The following TP73 variants were observed in gnomAD, a reference collection of about 807,000 sequenced individuals.
TP73 encodes the protein p53-like transcription factor.
In TP73, 25 loss-of-function variants were observed where a neutral mutation model predicts 62.5. The observed-to-expected ratio is 0.40, with a 90% CI of 0.29 to 0.56. The LOEUF is 0.56. Ranked by LOEUF, TP73 falls within the 20% of genes least tolerant of loss-of-function variation. The probability of loss-of-function intolerance (pLI) is 0.46; values close to 1 mark genes in which losing one functional copy is unlikely to be tolerated. For missense variants in TP73, 754 were observed against 913.3 expected (o/e 0.83, Z 2.25); for synonymous variants, 423 against 377.5 (o/e 1.12, Z -1.40).
chr1:3,653,144 G>A (rs1644793587), intron 1 of TP73, among the ~76,000 whole-genome samples: 1 of 152,380 alleles, frequency 6.6e-6, no homozygotes, highest in East Asian at 1.9e-4. Flanking sequence ...CCTCTGGACA[G>A]GGAGAAGGAT....
intron 4 of TP73, among the ~76,000 whole-genome samples, chr1:3,713,139 G>A (rs1290417151): frequency 1.3e-5 from 2 of 152,242 alleles, no homozygotes; most frequent in Non-Finnish European, 2.9e-5. Flanking sequence ...CTGTCTGCCA[G>A]TGAATCAAAC....
At chr1:3,716,766 T>G (rs1640632523) in intron 4 of TP73, among the ~76,000 whole-genome samples, 1 of 152,172 alleles carries the variant, frequency 6.6e-6, no homozygotes, top group South Asian at 2.1e-4. Context: ...ATCCACAGGC[T>G]GTTGACCCTG....
intron 1 of TP73, among the ~76,000 whole-genome samples, chr1:3,660,513 C>T (rs1038262814): frequency 1.3e-5 from 2 of 152,216 alleles, no homozygotes; most frequent in African/African-American, 4.8e-5. Context: ...GCAAATAACT[C>T]TATGGCCGTA....
intron 4 of TP73, 118 bp downstream of exon 4, chr1:3,707,909 C>G: frequency 2.1e-6 from 3 of 1,455,984 alleles, no homozygotes; most frequent in Non-Finnish European, 2.7e-6. Flanking sequence ...TCGGGGTTCC[C>G]ACCTGGCCCG....
intron 1 of TP73, among the ~76,000 whole-genome samples, chr1:3,655,061 T>C (rs951283070): frequency 6.6e-6 from 1 of 152,220 alleles, no homozygotes; most frequent in Non-Finnish European, 1.5e-5. Context: ...CGGTGAACCC[T>C]GTGTTTGCAA....
At chr1:3,722,875 C>G (rs1169401254) in intron 5 of TP73, among the ~76,000 whole-genome samples, 1 of 148,754 alleles carries the variant, frequency 6.7e-6, no homozygotes, top group Non-Finnish European at 1.5e-5. Context: ...CCTCTTTGCA[C>G]CTGGCACAGG....
intron 1 of TP73, among the ~76,000 whole-genome samples, chr1:3,661,872 ATATTTTTTATTT>A (rs905242000): frequency 2.7e-5 from 4 of 147,424 alleles, no homozygotes; most frequent in African/African-American, 5.0e-5. Flanking sequence ...CACACAATAT[ATATTTTTTATTT>A]TATTTTTTAT....
At chr1:3,679,864 CCTGT>C (rs1229246472) in intron 1 of TP73, among the ~76,000 whole-genome samples, 1 of 128,532 alleles carries the variant, frequency 7.8e-6, no homozygotes. Flanking sequence ...TCTCTTTGTC[CCTGT>C]CTCTCTCTGC....
chr1:3,719,545 A>T (rs1640888732), intron 4 of TP73, among the ~76,000 whole-genome samples: 1 of 152,176 alleles, frequency 6.6e-6, no homozygotes. Context: ...CAGTGCCTGG[A>T]CACAGGCCAC....
At chr1:3,719,866 G>A (rs1336312718) in intron 4 of TP73, among the ~76,000 whole-genome samples, 2 of 150,998 alleles carry the variant, frequency 1.3e-5, no homozygotes, top group African/African-American at 4.9e-5. Context: ...CTGCAAGGCT[G>A]TTTCTGCTTT....
At position 3,707,737 on chromosome 1, in the gene TP73, C is replaced by A. The variant is rs1378000606; in HGVS notation, c.375C>A (p.His125Gln). The part of the protein sequence containing the change: ...IPSNTDYPGP[H>Q]HFEVTFQQSS... The stretch of plus-strand genomic sequence containing the variant: ...CCAACACCGACTACCCCGGACCCCA[C>A]CACTTTGAGGTCACTTTCCAGCAGT... Residue 125 changes from histidine to glutamine, a missense_variant, in exon 4 of 14, where the codon CAC (histidine) becomes CAA (glutamine). By Grantham distance (24) the His-to-Gln change is conservative. Coordinates refer to ENST00000378295, the MANE Select transcript of TP73 (RefSeq NM_005427.4). 6.2e-7 allele frequency: 1 copy of A among 1,613,260 alleles called. No homozygotes were observed. Among genetic ancestry groups the A allele is most frequent in the Non-Finnish European group, 8.5e-7 (1 of 1,179,958 alleles).
chr1:3,727,320 T>G, intron 7 of TP73, 96 bp downstream of exon 7: 1 of 1,238,788 alleles, frequency 8.1e-7, no homozygotes, highest in Non-Finnish European at 1.1e-6. Context: ...AGGCCAAGGC[T>G]AGCTTGGGGA....
intron 3 of TP73, among the ~76,000 whole-genome samples, chr1:3,693,968 C>T (rs866801252): frequency 4.1e-5 from 1 of 24,552 alleles, no homozygotes; most frequent in Non-Finnish European, 9.8e-5. Context: ...CCCCTCCTCC[C>T]GCAATCCCAG....
intron 4 of TP73, among the ~76,000 whole-genome samples, 164 bp from the exon 5 acceptor site, chr1:3,721,857 C>G (rs1641096960): frequency 6.6e-6 from 1 of 152,218 alleles, no homozygotes; most frequent in Non-Finnish European, 1.5e-5. Flanking sequence ...CCTCAAAGGA[C>G]AGACACCTGG....
rs1022201981 is a variant in TP73 at position 3,701,137 on chromosome 1, G to T, written c.187-6412G>T. Among the ~76,000 whole-genome samples the T allele has an allele frequency of 2.6e-5, 4 of 152,192 alleles. No individual in the cohort carries two copies. Among genetic ancestry groups the T allele is most frequent in the African/African-American group, 9.6e-5 (4 of 41,460 alleles). On this transcript the variant is annotated intron_variant, in intron 3 of 13. Coordinates refer to ENST00000378295, the MANE Select transcript of TP73 (RefSeq NM_005427.4). The surrounding 1 kb of genome is among the most constrained non-coding windows in gnomAD (Gnocchi z 4.7). ...CTGTTTCATCCAACCAAGAGTTTCT[G>T]AGCGTCCTGTCGGTACTGGCTATCT...
intron 1 of TP73, among the ~76,000 whole-genome samples, chr1:3,674,289 G>A (rs889412659): frequency 1.3e-5 from 2 of 152,184 alleles, no homozygotes; most frequent in Admixed American, 1.3e-4. Context: ...CCCGCTTCCC[G>A]TGGGCCACGG....
intron 7 of TP73, 31 bp downstream of exon 7, chr1:3,727,255 G>T: frequency 6.2e-7 from 1 of 1,600,506 alleles, no homozygotes; most frequent in South Asian, 1.1e-5. Flanking sequence ...GTGGAGGTGG[G>T]ACAGGGCTGG....
chr1:3,708,953 C>G (rs147069070), intron 4 of TP73, among the ~76,000 whole-genome samples: 1 of 152,228 alleles, frequency 6.6e-6, no homozygotes, highest in Non-Finnish European at 1.5e-5. Context: ...CACCCCCTGT[C>G]GGGAGTGCTG....
At chr1:3,695,356 G>A (rs1638538879) in intron 3 of TP73, among the ~76,000 whole-genome samples, 2 of 152,218 alleles carry the variant, frequency 1.3e-5, no homozygotes, top group Admixed American at 1.3e-4. Context: ...GGTCTCAGGA[G>A]GTTAGCCAGG....
Sources: gnomAD v4.1 joint callset for allele counts (sites outside exome capture counted in the v4.1 genomes callset) on GRCh38, gnomAD v4.1.1 for gene constraint, Gnocchi (gnomAD v3.1) non-coding constraint, MANE v1.5 for transcripts, NCBI Gene and HGNC (gene_info 2026-07-23, HGNC 2026-07-21) for gene names.